Variants in RBM26 observed in about 807,000 individuals in gnomAD.
The protein encoded by RBM26 is RNA-binding protein 26.
A neutral mutation model predicts 123.6 loss-of-function variants in RBM26; 30 were observed. The ratio of observed to expected loss-of-function variants is 0.24; its 90% CI spans 0.18 to 0.33. The LOEUF (loss-of-function observed/expected upper bound fraction) is 0.33. Among genes scored for constraint, RBM26 ranks in the 10% least tolerant of loss-of-function variants. The pLI, the probability that RBM26 is intolerant of heterozygous loss-of-function variation, is 1.00. For synonymous variants in RBM26, 400 were observed against 404.4 expected, an observed-to-expected ratio of 0.99 and a Z score of 0.13; for missense variants, 947 against 1,203.6, an observed-to-expected ratio of 0.79 and a Z score of 3.15.
rs1488860654 is a variant in RBM26 at position 79,366,201 on chromosome 13, A to G, written c.1136-6T>C. The G allele has an allele frequency of 6.2e-7, 1 of 1,608,072 alleles. No individual in the cohort carries two copies. Among genetic ancestry groups the G allele is most frequent in the African/African-American group, 1.3e-5 (1 of 74,684 alleles). On this transcript the variant is annotated splice_region_variant and splice_polypyrimidine_tract_variant and intron_variant, in intron 7 of 21. Coordinates refer to ENST00000438737, the MANE Select transcript of RBM26 (RefSeq NM_001366735.2). ...AGGAAGTGGAGGTGGTGGTCCTGTC[A>G]AAACCAAAGAATAAGAAATATCATC...
At chr13:79,399,599 T>C (rs1415132636) in intron 1 of RBM26, among the ~76,000 whole-genome samples, 1 of 152,154 alleles carries the variant, frequency 6.6e-6, no homozygotes, top group Admixed American at 6.5e-5. Flanking sequence ...TGCAATTTAT[T>C]ATCTGGGAAT....
chr13:79,355,259 T>G lies in RBM26; in HGVS notation c.1815A>C (p.Arg605Ser). 1 of 1,614,054 alleles carries G rather than the reference T, an allele frequency of 6.2e-7. No homozygotes were observed. The highest frequency in any genetic ancestry group is 8.5e-7 in the Non-Finnish European group (1 of 1,179,910). The change falls in exon 12 of 22, where the codon AGA becomes AGC. Residue 605 changes from arginine (R) to serine (S), a missense_variant. By Grantham distance (110) the Arg-to-Ser change is moderately radical. Coordinates refer to ENST00000438737, the MANE Select transcript of RBM26 (RefSeq NM_001366735.2). ...TTTGTAACTGTTGGGTGCTTCCTTC[T>G]CTGTGCCAATAAACCTTAATAAAGC... ...NNRFIKVYWH[R>S]EGSTQQLQTT...
Position 79,366,670 on chromosome 13 carries a change from C to T in RBM26, c.1098G>A (p.Pro366=), listed in dbSNP as rs367759226. Residue 366 remains proline (P), a synonymous_variant, in exon 7 of 22, where the codon CCG becomes CCA. Coordinates refer to ENST00000438737, the MANE Select transcript of RBM26 (RefSeq NM_001366735.2). ...PPVNLRPPVP[P]PGPLPPSLPP... is the part of the protein sequence containing the mutation. Reference sequence around the variant, plus strand: ...GGAGACTGGGTGGCAATGGACCTGGCGGTGGTACTGGGGGCCTGAGATTCA... The same window carrying T: ...GGAGACTGGGTGGCAATGGACCTGGTGGTGGTACTGGGGGCCTGAGATTCA... The T allele has an allele frequency of 5.8e-6, 9 of 1,552,814 alleles. No homozygotes were observed. The highest frequency in any genetic ancestry group is 4.2e-5 in the African/African-American group (3 of 70,678).
chr13:79,335,184 A>G (rs1008392839), intron 19 of RBM26, among the ~76,000 whole-genome samples: 2 of 152,068 alleles, frequency 1.3e-5, no homozygotes, highest in Admixed American at 6.5e-5. Flanking sequence ...AGCTCCACAC[A>G]TATCATAGAA....
In RBM26 at chr13:79,341,725, T is replaced by C. The variant is rs140736578; in HGVS notation, c.2428-498A>G. On this transcript the variant is annotated intron_variant, in intron 17 of 21. Coordinates refer to ENST00000438737, the MANE Select transcript of RBM26 (RefSeq NM_001366735.2). ...GGGGTCTTTTATGTATTCCTTTTTA[T>C]ATAGTTTTGCTTTTGAACCATGAGA... Among the ~76,000 whole-genome samples, 10 of 151,818 alleles carry C rather than the reference T, an allele frequency of 6.6e-5. No individual in the cohort carries two copies. In the South Asian group the frequency reaches 2.1e-3, roughly 31 times the overall value.
chr13:79,351,816 T>C (rs1566408137), intron 14 of RBM26, among the ~76,000 whole-genome samples: 1 of 152,068 alleles, frequency 6.6e-6, no homozygotes, highest in Non-Finnish European at 1.5e-5. Flanking sequence ...CTATAATGAA[T>C]TAACGCCAAA....
intron 1 of RBM26, among the ~76,000 whole-genome samples, chr13:79,382,720 G>A (rs985889199): frequency 3.3e-5 from 5 of 152,116 alleles, no homozygotes; most frequent in African/African-American, 1.2e-4. Flanking sequence ...GGCTGGGGGG[G>A]AAACATAAAT....
At chr13:79,370,664 A>T (rs994743487) in intron 5 of RBM26, among the ~76,000 whole-genome samples, 1 of 152,226 alleles carries the variant, frequency 6.6e-6, no homozygotes, top group African/African-American at 2.4e-5. Context: ...ATACTGCCAA[A>T]ATGTTTTCCA....
intron 20 of RBM26, among the ~76,000 whole-genome samples, chr13:79,330,671 T>G (rs1333019144): frequency 1.3e-5 from 2 of 152,178 alleles, no homozygotes; most frequent in African/African-American, 4.8e-5. Flanking sequence ...TAGTAATATT[T>G]GTAATGTTAT....
intron 14 of RBM26, among the ~76,000 whole-genome samples, chr13:79,352,648 C>G (rs1015937632): frequency 1.3e-5 from 2 of 152,036 alleles, no homozygotes; most frequent in African/African-American, 4.8e-5. Flanking sequence ...TTCCAGTTTA[C>G]AAAAATATTT....
rs1247859195 is a variant in RBM26, at chr13:79,337,134, T to G, written c.2701A>C (p.Ser901Arg). 1.2e-6 allele frequency: 2 copies of G among 1,613,948 alleles called. No individual in the cohort carries two copies. The highest frequency in any genetic ancestry group is 1.7e-6 in the Non-Finnish European group (2 of 1,180,018). ...RALEISAFTE[S>R]DREDLLPHFA... ...TGAGGAAGAAGATCTTCTCTATCGC[T>G]CTCCGTAAATGCAGAAATCTCCAAT... is the stretch of plus-strand genomic sequence containing the variant. The change falls in exon 19 of 22, where the codon AGC becomes CGC. Residue 901 changes from serine (S) to arginine (R), a missense_variant. By Grantham distance (110) the Ser-to-Arg change is moderately radical. This residue lies in a region of RBM26 where 164 missense variants were observed against 215.3 expected (regional missense o/e 0.76). Coordinates refer to ENST00000438737, the MANE Select transcript of RBM26 (RefSeq NM_001366735.2).
intron 20 of RBM26, among the ~76,000 whole-genome samples, chr13:79,330,694 C>T (rs952298341): frequency 6.6e-6 from 1 of 152,034 alleles, no homozygotes; most frequent in Non-Finnish European, 1.5e-5. Context: ...AATGTTAAAG[C>T]ACGAGTTATG....
chr13:79,371,722 C>A, intron 4 of RBM26, 120 bp downstream of exon 4: 1 of 682,742 alleles, frequency 1.5e-6, no homozygotes, highest in Non-Finnish European at 2.5e-6. Context: ...GTTATATTTT[C>A]CTAGACCAAT....
At chr13:79,386,963 T>C (rs1380236204) in intron 1 of RBM26, among the ~76,000 whole-genome samples, 1 of 152,220 alleles carries the variant, frequency 6.6e-6, no homozygotes, top group Non-Finnish European at 1.5e-5. Context: ...CTTTTTCTCA[T>C]ATTTCTTTAA....
At chr13:79,360,551 T>C (rs560496218) in intron 9 of RBM26, among the ~76,000 whole-genome samples, 1 of 152,072 alleles carries the variant, frequency 6.6e-6, no homozygotes, top group Non-Finnish European at 1.5e-5. Context: ...TTTAAGTTCA[T>C]AGTTTTGAAA....
intron 5 of RBM26, among the ~76,000 whole-genome samples, chr13:79,369,521 C>T (rs188742797): frequency 3.3e-5 from 5 of 152,148 alleles, no homozygotes; most frequent in Admixed American, 3.3e-4. Flanking sequence ...AGTAACATTC[C>T]ATGAAGCCTT....
chr13:79,326,043 G>A (rs1210451309), intron 20 of RBM26, among the ~76,000 whole-genome samples: 2 of 152,190 alleles, frequency 1.3e-5, no homozygotes, highest in Non-Finnish European at 2.9e-5. Context: ...ACCATAGAGT[G>A]TAGGTGTGTA....
intron 14 of RBM26, among the ~76,000 whole-genome samples, chr13:79,345,187 A>G (rs1266573784): frequency 3.3e-5 from 5 of 152,026 alleles, no homozygotes; most frequent in African/African-American, 1.2e-4. Context: ...CTGTCCCTCA[A>G]TTTAACACAA....
At chr13:79,401,959 C>G (rs1261714100) in intron 1 of RBM26, among the ~76,000 whole-genome samples, 3 of 151,668 alleles carry the variant, frequency 2.0e-5, no homozygotes, top group Non-Finnish European at 4.4e-5. Flanking sequence ...TCATTACATC[C>G]ACCTGCCCCT....
Sources: gnomAD v4.1 joint callset for allele counts (sites outside exome capture counted in the v4.1 genomes callset) on GRCh38, gnomAD v4.1.1 for gene constraint, gnomAD v4.1.1 regional missense constraint, MANE v1.5 for transcripts, NCBI Gene and HGNC (gene_info 2026-07-23, HGNC 2026-07-21) for gene names.